Variants in DMD observed in about 807,000 individuals in gnomAD.
DMD encodes dystrophin.
Under a neutral mutation model 330.1 loss-of-function variants are expected in DMD, and 63 were observed. That is an observed-to-expected ratio of 0.19 (90% CI 0.16 to 0.24). The LOEUF (loss-of-function observed/expected upper bound fraction) is 0.24. Among genes scored for constraint, DMD ranks in the 10% least tolerant of loss-of-function variants. The pLI is 1.00. For missense variants in DMD, 3,344 were observed against 2,684.1 expected (o/e 1.25, Z -5.43); for synonymous variants, 1,223 against 959.8 (o/e 1.27, Z -5.07).
intron 51 of DMD, among the ~76,000 whole-genome samples, chrX:31,750,722 G>A (rs1265872114): frequency 2.7e-5 from 3 of 109,134 alleles, no homozygotes; most frequent in African/African-American, 1.0e-4. Context: ...GTTTGCAGAC[G>A]ACATGATTGT....
At chrX:32,548,215 A>G (rs2148977060) in intron 16 of DMD, among the ~76,000 whole-genome samples, 1 of 111,620 alleles carries the variant, frequency 9.0e-6, no homozygotes, top group Admixed American at 9.6e-5. Flanking sequence ...GAAACTCCAT[A>G]TTTAGGAACC....
At chrX:32,311,385 A>G (rs1308535616) in intron 41 of DMD, among the ~76,000 whole-genome samples, 3 of 111,265 alleles carry the variant, frequency 2.7e-5, no homozygotes, top group Non-Finnish European at 3.8e-5. Context: ...TGAACCCCAC[A>G]CAAAGAGGAG....
chrX:32,428,353 AAT>A (rs2098221801), intron 29 of DMD, among the ~76,000 whole-genome samples: 1 of 111,869 alleles, frequency 8.9e-6, no homozygotes. Flanking sequence ...TTTCCCTAAT[AAT>A]ACCAAATATG....
chrX:33,285,505 T>C (rs777929121), intron 1 of DMD, among the ~76,000 whole-genome samples: 1 of 112,213 alleles, frequency 8.9e-6, no homozygotes, highest in African/African-American at 3.2e-5. Flanking sequence ...CTCAGAATTC[T>C]TTCTGTCAAA....
intron 1 of DMD, among the ~76,000 whole-genome samples, chrX:33,191,625 T>A (rs2050653612): frequency 9.0e-6 from 1 of 111,283 alleles, no homozygotes; most frequent in African/African-American, 3.3e-5. Context: ...GGTTACACCA[T>A]GTTGGCCAGG....
chrX:31,861,946 TAC>T (rs60169449), intron 48 of DMD, among the ~76,000 whole-genome samples: 34 of 87,904 alleles, frequency 3.9e-4, no homozygotes, highest in Admixed American at 5.2e-4. Context: ...GAAAATAATA[TAC>T]ACACACACAC....
Position 33,091,513 on chromosome X carries a change from A to G in DMD, c.32-71313T>C, listed in dbSNP as rs780737777. Among the ~76,000 whole-genome samples the G allele has an allele frequency of 2.7e-5, 3 of 112,218 alleles. No homozygotes were observed. The East Asian group carries it at 8.4e-4, about 31-fold the overall frequency. ...AAAGGATGCATGAACTAAACAAATTAAAAAGCAATTAAGGTCTTTATAACC... is the reference window on the plus strand; with the variant it reads ...AAAGGATGCATGAACTAAACAAATTGAAAAGCAATTAAGGTCTTTATAACC... On this transcript the variant is annotated intron_variant, in intron 1 of 78. Transcript: ENST00000357033.
At chrX:32,301,533 A>G (rs2097523852) in intron 42 of DMD, among the ~76,000 whole-genome samples, 1 of 111,077 alleles carries the variant, frequency 9.0e-6, no homozygotes, top group Non-Finnish European at 1.9e-5. Flanking sequence ...CCAATATTTA[A>G]ACCTTTTGAA....
At chrX:32,880,013 T>G (rs922008067) in intron 2 of DMD, among the ~76,000 whole-genome samples, 8 of 109,530 alleles carry the variant, frequency 7.3e-5, no homozygotes, top group Non-Finnish European at 1.3e-4. Context: ...AAATGTAACT[T>G]TCTAATATGC....
intron 50 of DMD, among the ~76,000 whole-genome samples, chrX:31,783,740 A>G (rs745479358): frequency 9.0e-6 from 1 of 111,606 alleles, no homozygotes; most frequent in East Asian, 2.8e-4. Context: ...TATATAAATT[A>G]ATATAACAGA....
intron 43 of DMD, among the ~76,000 whole-genome samples, chrX:32,240,724 T>A (rs111373470): frequency 0.091 from 10,044 of 110,830 alleles, 489 homozygotes; most frequent in Admixed American, 0.14. Context: ...GTATTTTCAG[T>A]ATGGTGGCTC....
chrX:31,219,833 T>TACACACACCCACACACAC (rs1556309803), intron 64 of DMD, among the ~76,000 whole-genome samples: 3 of 100,326 alleles, frequency 3.0e-5, no homozygotes, highest in Non-Finnish European at 6.0e-5. Context: ...GATCAATGTA[T>TACACACACCCACACACAC]ACACACACAC....
In DMD at chrX:31,929,732, T is replaced by C; in HGVS notation, c.6776A>G (p.Glu2259Gly). The change falls in exon 47 of 79, where the codon GAG becomes GGG. Residue 2259 changes from glutamate (E) to glycine (G), a missense_variant. Glu to Gly is a moderately conservative substitution (Grantham distance 98, BLOSUM62 -2). Coordinates refer to ENST00000357033, the MANE Select transcript of DMD (RefSeq NM_004006.3). Reference protein sequence around the residue: ...KLEQVKLLVEELPLRQGILKQ... With the variant: ...KLEQVKLLVEGLPLRQGILKQ... ...GAGAATTCCCTGGCGCAGGGGCAAC[T>C]CTTCCACCAGTAACTGAAACAGACA... 8.3e-7 allele frequency: 1 copy of C among 1,211,568 alleles called. No individual in the cohort carries two copies. The highest frequency in any genetic ancestry group is 3.0e-5 in the East Asian group (1 of 33,817).
At chrX:31,645,506 C>G (rs1322244104) in intron 54 of DMD, among the ~76,000 whole-genome samples, 1 of 112,130 alleles carries the variant, frequency 8.9e-6, no homozygotes, top group African/African-American at 3.2e-5. Flanking sequence ...AACACAAATT[C>G]CCTTGGTTAG....
At chrX:32,567,916 A>C (rs2051927899) in intron 15 of DMD, among the ~76,000 whole-genome samples, 2 of 111,801 alleles carry the variant, frequency 1.8e-5, no homozygotes, top group South Asian at 7.4e-4. Context: ...CAAATCTAAA[A>C]ATAAAAAAAA....
At chrX:32,439,325 AAG>A (rs1346709396) in intron 28 of DMD, among the ~76,000 whole-genome samples, 1 of 111,308 alleles carries the variant, frequency 9.0e-6, no homozygotes, top group Non-Finnish European at 1.9e-5. Flanking sequence ...CAAGAAAATA[AAG>A]AGACTTCCTA....
Position 31,177,935 on chromosome X carries a change from G to C in DMD, c.10259C>G (p.Ser3420Cys). ...CTTCAGCAAAAAAAGTACTCACGCA[G>C]AATCTACTGGCCAGAAGTTGATCAG... is the stretch of plus-strand genomic sequence containing the variant. ...VTLINFWPVD[S>C]APASSPQLSH... The change falls in exon 71 of 79, where the codon TCT (serine) becomes TGT (cysteine). Residue 3420 changes from serine to cysteine, a missense_variant. Physicochemically the swap from Ser to Cys is moderately radical, Grantham distance 112. Transcript: ENST00000357033. The C allele has an allele frequency of 8.3e-7, 1 of 1,206,924 alleles. No homozygotes were observed. The highest frequency in any genetic ancestry group is 1.1e-6 in the Non-Finnish European group (1 of 892,064).
chrX:32,950,060 C>A (rs909929996), intron 2 of DMD, among the ~76,000 whole-genome samples: 2 of 90,752 alleles, frequency 2.2e-5, no homozygotes, highest in African/African-American at 9.0e-5. Context: ...AGAACTATAG[C>A]CATGAACTAG....
chrX:32,645,247 C>T (rs1372738771), intron 9 of DMD, 95 bp from the exon 10 acceptor site: 2 of 953,845 alleles, frequency 2.1e-6, no homozygotes, highest in East Asian at 3.1e-5. Context: ...ATTTAAAATG[C>T]TAGGACTGTC....
Sources: allele counts gnomAD v4.1 joint callset (sites outside exome capture counted in the v4.1 genomes callset), GRCh38; gene constraint gnomAD v4.1.1; transcripts MANE v1.5; gene names NCBI Gene and HGNC (gene_info 2026-07-23, HGNC 2026-07-21).